The following TGFA variants were observed in gnomAD, a reference collection of about 807,000 sequenced individuals.
TGFA encodes the protein transforming growth factor alpha.
TGFA carries 12 observed loss-of-function variants against 21.7 expected under a neutral mutation model. The ratio of observed to expected loss-of-function variants is 0.55; its 90% confidence interval spans 0.35 to 0.90. The LOEUF (loss-of-function observed/expected upper bound fraction) is 0.90, where lower values mean the gene tolerates loss of function less well. Ranked by LOEUF, TGFA falls within the 40% of genes least tolerant of loss-of-function variation. TGFA has a pLI of 0.01. For synonymous variants in TGFA, 79 were observed against 88.1 expected, an observed-to-expected ratio of 0.90 and a Z score of 0.58; for missense variants, 178 against 210.8, an observed-to-expected ratio of 0.84 and a Z score of 0.96.
At chr2:70,534,322 T>C (rs1261341974) in intron 1 of TGFA, among the ~76,000 whole-genome samples, 1 of 152,156 alleles carries the variant, frequency 6.6e-6, no homozygotes, top group Non-Finnish European at 1.5e-5. Context: ...TGTGAAGAAC[T>C]AAAAGTGTTA....
At chr2:70,475,020 T>TA (rs1205564482) in intron 2 of TGFA, among the ~76,000 whole-genome samples, 1 of 146,976 alleles carries the variant, frequency 6.8e-6, no homozygotes, top group Admixed American at 6.8e-5. Context: ...GGAAAAAAGA[T>TA]AGAGTCAGAG....
intron 1 of TGFA, among the ~76,000 whole-genome samples, chr2:70,525,863 G>A (rs1191813010): frequency 6.6e-6 from 1 of 152,132 alleles, no homozygotes; most frequent in Non-Finnish European, 1.5e-5. Flanking sequence ...GGGCACTACT[G>A]GTACTTAATG....
chr2:70,553,663 T>A, intron 1 of TGFA, 65 bp downstream of exon 1: 1 of 1,325,926 alleles, frequency 7.5e-7, no homozygotes, highest in Non-Finnish European at 9.6e-7. Flanking sequence ...AAAGGGGAAC[T>A]CGGCGGGGAC....
intron 2 of TGFA, among the ~76,000 whole-genome samples, chr2:70,471,107 G>GCCCC (rs1290386793): frequency 4.2e-5 from 5 of 117,956 alleles, no homozygotes; most frequent in African/African-American, 1.9e-4. Context: ...TCTCCTCCCC[G>GCCCC]CACCCCCCCC....
intron 2 of TGFA, among the ~76,000 whole-genome samples, chr2:70,476,011 A>G (rs1670911024): frequency 7.4e-6 from 1 of 134,886 alleles, no homozygotes; most frequent in Non-Finnish European, 1.5e-5. Context: ...CTTCCTCCTC[A>G]TGACCCCATT....
At chr2:70,524,648 C>A (rs1450548440) in intron 1 of TGFA, among the ~76,000 whole-genome samples, 1 of 152,182 alleles carries the variant, frequency 6.6e-6, no homozygotes, top group Non-Finnish European at 1.5e-5. Flanking sequence ...TGACACGAGG[C>A]CTTGAGGTGT....
intron 1 of TGFA, among the ~76,000 whole-genome samples, chr2:70,541,903 A>G (rs1673141641): frequency 6.6e-6 from 1 of 152,122 alleles, no homozygotes; most frequent in Non-Finnish European, 1.5e-5. Context: ...AACATCTGTC[A>G]TTGTTGAAAT....
In TGFA at chr2:70,473,279, G is replaced by A. The variant is rs956552538; in HGVS notation, c.95-7543C>T. ...GAGGCTGGTGCGGAGGCTTACACTCGGGTGGCAGAACTGCTAAGCCAGAGC... is the reference window on the plus strand; with the variant it reads ...GAGGCTGGTGCGGAGGCTTACACTCAGGTGGCAGAACTGCTAAGCCAGAGC... On this transcript the variant is annotated intron_variant, in intron 2 of 5. Coordinates refer to ENST00000295400, the MANE Select transcript of TGFA (RefSeq NM_003236.4). 5.9e-5 allele frequency among the ~76,000 whole-genome samples: 9 copies of A among 152,158 alleles called. No homozygotes were observed. The South Asian group carries it at 8.3e-4, about 14-fold the overall frequency.
At chr2:70,529,234 C>A (rs896116630) in intron 1 of TGFA, among the ~76,000 whole-genome samples, 4 of 152,198 alleles carry the variant, frequency 2.6e-5, no homozygotes, top group Non-Finnish European at 4.4e-5. Context: ...AGAATTGTTT[C>A]TTTTCAAGCC....
At chr2:70,471,737 C>T (rs1553493345) in intron 2 of TGFA, among the ~76,000 whole-genome samples, 1 of 152,154 alleles carries the variant, frequency 6.6e-6, no homozygotes, top group East Asian at 1.9e-4. Context: ...CAAGTCGAGG[C>T]AGGGTAGGCG....
intron 1 of TGFA, among the ~76,000 whole-genome samples, chr2:70,533,247 A>T (rs1672869335): frequency 6.6e-6 from 1 of 152,170 alleles, no homozygotes; most frequent in Non-Finnish European, 1.5e-5. Flanking sequence ...TTGTGTTCTG[A>T]GGTACAAGCT....
At chr2:70,515,885 A>G (rs11466216) in intron 1 of TGFA, among the ~76,000 whole-genome samples, 2,222 of 152,330 alleles carry the variant, frequency 0.015, 22 homozygotes, top group Non-Finnish European at 0.021. Flanking sequence ...GACTTCACCT[A>G]CAAGACGCAA....
intron 2 of TGFA, among the ~76,000 whole-genome samples, chr2:70,474,448 T>C (rs1468420864): frequency 6.6e-6 from 1 of 152,170 alleles, no homozygotes; most frequent in Non-Finnish European, 1.5e-5. Context: ...ACTTAACTAG[T>C]GAACATCTTC....
At position 70,449,294 on chromosome 2, in the gene TGFA, T is replaced by TA. The variant is rs1553489200; in HGVS notation, c.*1564dup. 3 of 152,316 alleles carry TA rather than the reference T, an allele frequency of 2.0e-5. No individual in the cohort carries two copies. The highest frequency in any genetic ancestry group is 7.2e-5 in the African/African-American group (3 of 41,472). 9.4% of individuals were successfully genotyped at this position (152,316 alleles called of 1,614,324 possible). On this transcript the variant is annotated 3_prime_UTR_variant, in exon 6 of 6. Coordinates refer to ENST00000295400, the MANE Select transcript of TGFA (RefSeq NM_003236.4). ...AATTTCAAGCCAATTTAACATATTTTAAATGTACCTTTCACGATGTAATAA... is the reference window on the plus strand; with the variant it reads ...AATTTCAAGCCAATTTAACATATTTTAAAATGTACCTTTCACGATGTAATAA...
At chr2:70,551,569 C>G (rs1228864395) in intron 1 of TGFA, among the ~76,000 whole-genome samples, 2 of 152,170 alleles carry the variant, frequency 1.3e-5, no homozygotes, top group Non-Finnish European at 2.9e-5. Flanking sequence ...GGGAAAGCAG[C>G]TTTGAAGGAA....
chr2:70,505,995 G>A (rs150663764), intron 2 of TGFA, among the ~76,000 whole-genome samples: 69 of 152,308 alleles, frequency 4.5e-4, no homozygotes, highest in African/African-American at 1.6e-3. Flanking sequence ...TAAAATAGCT[G>A]CAGGTCTCTT....
rs59567780 is a variant in TGFA, at chr2:70,521,613, G to GTTTTT, written c.41-6702_41-6701insAAAAA. 5.6e-3 allele frequency among the ~76,000 whole-genome samples: 413 copies of GTTTTT among 73,856 alleles called. 18 individuals carry two copies. Among genetic ancestry groups the GTTTTT allele is most frequent in the African/African-American group, 0.016 (387 of 23,574 alleles). 48.5% of individuals were successfully genotyped at this position (73,856 alleles called of 152,430 possible). A position where few individuals can be genotyped will look rare whatever the true frequency, so the allele number is the denominator to read the frequency against. Reference sequence around the variant, plus strand: ...TTGATAGTTTTTTTTGTTGTTGTTTGTTTGTTTTTTTTTTTTTTTTTTTTT... The same window carrying GTTTTT: ...TTGATAGTTTTTTTTGTTGTTGTTTGTTTTTTTTGTTTTTTTTTTTTTTTTTTTTT... On this transcript the variant is annotated intron_variant, in intron 1 of 5. Coordinates refer to ENST00000295400, the MANE Select transcript of TGFA (RefSeq NM_003236.4).
intron 1 of TGFA, among the ~76,000 whole-genome samples, chr2:70,543,603 G>A (rs1347596266): frequency 1.3e-5 from 2 of 151,746 alleles, no homozygotes; most frequent in Non-Finnish European, 2.9e-5. Flanking sequence ...ATTAAAAGGA[G>A]TTCATTTATA....
intron 2 of TGFA, among the ~76,000 whole-genome samples, chr2:70,479,955 C>T (rs1273368341): frequency 6.6e-6 from 1 of 152,174 alleles, no homozygotes; most frequent in East Asian, 1.9e-4. Flanking sequence ...TTGTGGCCAG[C>T]GATTTCTTGC....
Sources: gnomAD v4.1 joint callset for allele counts (sites outside exome capture counted in the v4.1 genomes callset) on GRCh38, gnomAD v4.1.1 for gene constraint, MANE v1.5 for transcripts, NCBI Gene and HGNC (gene_info 2026-07-23, HGNC 2026-07-21) for gene names.